The following MRM1 variants were observed in gnomAD, a reference collection of about 807,000 sequenced individuals.
MRM1 encodes rRNA methyltransferase 1, mitochondrial.
MRM1 carries 24 observed loss-of-function variants against 25.0 expected under a neutral mutation model. That is an observed-to-expected ratio of 0.96 (90% CI 0.69 to 1.35). MRM1 has a LOEUF of 1.35. MRM1 is among the 40% of genes most tolerant of loss of function. The pLI, the probability that MRM1 is intolerant of heterozygous loss-of-function variation, is 0.00. For synonymous variants in MRM1, 188 were observed against 199.2 expected (o/e 0.94, Z 0.47); for missense variants, 431 against 464.1 (o/e 0.93, Z 0.65).
At chr17:36,604,721 G>A (rs1034436927) in intron 2 of MRM1, among the ~76,000 whole-genome samples, 1 of 151,880 alleles carries the variant, frequency 6.6e-6, no homozygotes, top group Non-Finnish European at 1.5e-5. Context: ...TAGGAGAATC[G>A]CTTGAACCCG....
chr17:36,606,880 G>A lies in MRM1; in HGVS notation c.637-790G>A, dbSNP rs377169659. Among the ~76,000 whole-genome samples, 16 of 150,154 alleles carry A rather than the reference G, an allele frequency of 1.1e-4. No homozygotes were observed. The East Asian group carries it at 2.2e-3, about 20-fold the overall frequency. ...CCCGCCTCGGCCTCCCAAAGTGCTG[G>A]GATTACAGGCGTGAGCTACTGCGCC... On this transcript the variant is annotated intron_variant, in intron 2 of 4. Coordinates refer to ENST00000614766, the MANE Select transcript of MRM1 (RefSeq NM_024864.5).
At chr17:36,607,544 AC>A in intron 2 of MRM1, 125 bp from the exon 3 acceptor site, 1 of 1,161,546 alleles carries the variant, frequency 8.6e-7, no homozygotes, top group Non-Finnish European at 1.2e-6. Context: ...GATCACCAGA[AC>A]CCAGGCGGTT....
chr17:36,615,363 A>G, the MRM1 span, among the ~76,000 whole-genome samples: 1 of 152,042 alleles, frequency 6.6e-6, no homozygotes, highest in Non-Finnish European at 1.5e-5. Context: ...GCAACCTGAG[A>G]AAAAAATCCA....
the MRM1 span, among the ~76,000 whole-genome samples, chr17:36,622,208 T>C: frequency 6.6e-6 from 1 of 152,188 alleles, no homozygotes; most frequent in Non-Finnish European, 1.5e-5. Context: ...TGCCCCCTCC[T>C]GTCCCTATGG....
At chr17:36,627,036 C>T in the MRM1 span, among the ~76,000 whole-genome samples, 85 of 152,306 alleles carry the variant, frequency 5.6e-4, no homozygotes, top group African/African-American at 1.9e-3. Context: ...TCAGGTGATG[C>T]GTAGCCTCTT....
the MRM1 span, among the ~76,000 whole-genome samples, chr17:36,623,532 C>T: frequency 1.3e-5 from 2 of 152,184 alleles, no homozygotes; most frequent in Non-Finnish European, 2.9e-5. Flanking sequence ...GGTTTGTCTC[C>T]TCCTTCCTTC....
At chr17:36,621,257 G>T in the MRM1 span, among the ~76,000 whole-genome samples, 4 of 152,118 alleles carry the variant, frequency 2.6e-5, no homozygotes, top group African/African-American at 4.8e-5. Flanking sequence ...CTTGGTCCCT[G>T]CCAGCCTCAT....
the MRM1 span, among the ~76,000 whole-genome samples, chr17:36,616,035 T>G: frequency 6.6e-6 from 1 of 152,064 alleles, no homozygotes. Context: ...AAAACTTTCT[T>G]GCAGGCCGCC....
chr17:36,613,263 A>G (rs984383323), downstream of MRM1, among the ~76,000 whole-genome samples: 4 of 151,980 alleles, frequency 2.6e-5, no homozygotes, highest in African/African-American at 9.7e-5. Flanking sequence ...GCCGACACAC[A>G]TACACACACA....
intron 3 of MRM1, 43 bp downstream of exon 3, chr17:36,607,845 G>T: frequency 6.2e-7 from 1 of 1,611,246 alleles, no homozygotes; most frequent in South Asian, 1.1e-5. Flanking sequence ...TACATTTCCC[G>T]AGCAACTGGG....
chr17:36,628,887 T>A, the MRM1 span, among the ~76,000 whole-genome samples: 1 of 151,920 alleles, frequency 6.6e-6, no homozygotes, highest in South Asian at 2.1e-4. Context: ...CTGGACTTAG[T>A]GGTCTTTTGA....
At chr17:36,603,491 T>A (rs928235780) in intron 2 of MRM1, among the ~76,000 whole-genome samples, 1 of 152,160 alleles carries the variant, frequency 6.6e-6, no homozygotes, top group African/African-American at 2.4e-5. Flanking sequence ...AACCTCTGCC[T>A]CCTGGGTTCA....
chr17:36,627,610 C>G, the MRM1 span, among the ~76,000 whole-genome samples: 1 of 151,422 alleles, frequency 6.6e-6, no homozygotes, highest in South Asian at 2.1e-4. Context: ...CCTCCTTGCC[C>G]TGGTGTCTCT....
At chr17:36,621,266 A>C in the MRM1 span, among the ~76,000 whole-genome samples, 1 of 152,120 alleles carries the variant, frequency 6.6e-6, no homozygotes, top group African/African-American at 2.4e-5. Context: ...TGCCAGCCTC[A>C]TAACCTGGAT....
chr17:36,615,986 G>A, the MRM1 span, among the ~76,000 whole-genome samples: 1 of 142,852 alleles, frequency 7.0e-6, no homozygotes, highest in African/African-American at 2.9e-5. Context: ...GAGTGAGACT[G>A]TCTCAAACAA....
intron 2 of MRM1, among the ~76,000 whole-genome samples, chr17:36,605,713 G>A (rs1387417725): frequency 6.6e-6 from 1 of 151,596 alleles, no homozygotes; most frequent in African/African-American, 2.4e-5. Context: ...TGTTCCTTCT[G>A]GAGCAACTCC....
chr17:36,616,229 G>T, the MRM1 span, among the ~76,000 whole-genome samples: 2 of 152,214 alleles, frequency 1.3e-5, no homozygotes, highest in African/African-American at 2.4e-5. Flanking sequence ...TGAGGTTGGA[G>T]GCTGATTGCC....
chr17:36,624,840 G>A, the MRM1 span, among the ~76,000 whole-genome samples: 1 of 152,134 alleles, frequency 6.6e-6, no homozygotes, highest in Non-Finnish European at 1.5e-5. The surrounding 1 kb of genome is among the most constrained non-coding windows in gnomAD (Gnocchi z 4.0). Flanking sequence ...GAACTGAGCA[G>A]GCTCTGAGTA....
chr17:36,624,030 T>C, the MRM1 span, among the ~76,000 whole-genome samples: 1 of 152,190 alleles, frequency 6.6e-6, no homozygotes, highest in Non-Finnish European at 1.5e-5. The surrounding 1 kb of genome is among the most constrained non-coding windows in gnomAD (Gnocchi z 4.0). Flanking sequence ...TTGGATTCAT[T>C]GATTAAAGTT....
Sources: allele counts gnomAD v4.1 joint callset (sites outside exome capture counted in the v4.1 genomes callset), GRCh38; gene constraint gnomAD v4.1.1; non-coding constraint Gnocchi (gnomAD v3.1); transcripts MANE v1.5; gene names NCBI Gene and HGNC (gene_info 2026-07-23, HGNC 2026-07-21).